Variants in GCNT1 observed in about 807,000 individuals in gnomAD.
GCNT1 encodes the protein glucosaminyl (N-acetyl) transferase 1, also known as beta-1,3-galactosyl-O-glycosyl-glycoprotein beta-1,6-N-acetylglucosaminyltransferase.
In GCNT1, 16 loss-of-function variants were observed where a neutral mutation model predicts 26.2. The observed-to-expected ratio is 0.61, with a 90% CI of 0.41 to 0.93. The LOEUF is 0.93. Ranked by LOEUF, GCNT1 falls within the 40% of genes least tolerant of loss-of-function variation. GCNT1 has a pLI of 0.00. For missense variants in GCNT1, 477 were observed against 526.7 expected (o/e 0.91, Z 0.92); for synonymous variants, 183 against 190.8 (o/e 0.96, Z 0.34).
At chr9:76,394,394 C>T in the GCNT1 span, 1 of 474,754 alleles carries the variant, frequency 2.1e-6, no homozygotes, top group Non-Finnish European at 3.7e-6. Context: ...GCTGCGTCTC[C>T]GCTGGAGGGC....
upstream of GCNT1, among the ~76,000 whole-genome samples, chr9:76,454,740 C>T (rs1288656204): frequency 1.3e-5 from 2 of 151,860 alleles, no homozygotes; most frequent in Non-Finnish European, 2.9e-5. Context: ...TCTCATCTGC[C>T]GCCGTGTAAG....
chr9:76,481,302 C>T (rs1384131777), intron 2 of GCNT1, among the ~76,000 whole-genome samples: 1 of 151,846 alleles, frequency 6.6e-6, no homozygotes, highest in Non-Finnish European at 1.5e-5. Context: ...TGTACCCCTT[C>T]TGCTTGATCA....
intron 2 of GCNT1, among the ~76,000 whole-genome samples, chr9:76,491,503 TTTG>T (rs1371852462): frequency 1.4e-5 from 2 of 142,034 alleles, no homozygotes; most frequent in African/African-American, 2.4e-5. Context: ...TGTATACAAA[TTTG>T]TTGTTTTTCC....
In GCNT1 at chr9:76,502,646, A is replaced by G. The variant is rs1159251591; in HGVS notation, c.265A>G (p.Thr89Ala). 1.2e-5 allele frequency: 20 copies of G among 1,613,952 alleles called. No homozygotes were observed. Among genetic ancestry groups the G allele is most frequent in the Non-Finnish European group, 1.6e-5 (19 of 1,180,002 alleles). ...GAAATTTAAAAAGCGCCCTCGGTGG[A>G]CACCTGACGACTATATAAACATGAC... ...TVKFKKRPRWTPDDYINMTSD... is the reference protein window; with the variant it reads ...TVKFKKRPRWAPDDYINMTSD... The change falls in exon 4 of 4, where the codon ACA becomes GCA. Residue 89 changes from threonine (T) to alanine (A), a missense_variant. Physicochemically the swap from Thr to Ala is moderately conservative, Grantham distance 58. Transcript: ENST00000376730.
chr9:76,462,695 A>G (rs978662509), intron 2 of GCNT1, among the ~76,000 whole-genome samples: 23 of 152,240 alleles, frequency 1.5e-4, no homozygotes, highest in Non-Finnish European at 2.9e-4. Flanking sequence ...GAAACTCTTC[A>G]GGACTAGAGA....
intron 2 of GCNT1, among the ~76,000 whole-genome samples, chr9:76,488,695 G>C (rs1824648444): frequency 6.6e-6 from 1 of 152,184 alleles, no homozygotes; most frequent in Admixed American, 6.5e-5. Flanking sequence ...ATGTTGGCCA[G>C]GCTGGTCCCA....
At chr9:76,435,590 T>C (rs529388570) in intron 1 of GCNT1, among the ~76,000 whole-genome samples, 1 of 152,344 alleles carries the variant, frequency 6.6e-6, no homozygotes, top group African/African-American at 2.4e-5. Context: ...ATCTTCTCAC[T>C]GTGTCTGTCC....
At chr9:76,413,198 G>A in the GCNT1 span, among the ~76,000 whole-genome samples, 1 of 152,164 alleles carries the variant, frequency 6.6e-6, no homozygotes, top group Non-Finnish European at 1.5e-5. Flanking sequence ...CTTCTTTCCT[G>A]GCCAGGGCTT....
At chr9:76,454,755 GC>G (rs1275729376), upstream of GCNT1, among the ~76,000 whole-genome samples, 2 of 151,316 alleles carry the variant, frequency 1.3e-5, no homozygotes, top group Non-Finnish European at 2.9e-5. Flanking sequence ...TGTAAGATGT[GC>G]CTCTTCCCCT....
the GCNT1 span, among the ~76,000 whole-genome samples, chr9:76,396,364 C>T: frequency 4.0e-5 from 6 of 151,540 alleles, no homozygotes; most frequent in Admixed American, 1.3e-4. Flanking sequence ...CCGAGGTGAG[C>T]GGATCTCTTG....
At chr9:76,478,921 A>G (rs2094974239) in intron 2 of GCNT1, among the ~76,000 whole-genome samples, 3 of 152,178 alleles carry the variant, frequency 2.0e-5, no homozygotes, top group Admixed American at 1.3e-4. Flanking sequence ...GGTTTGTTAC[A>G]TATGTATACA....
chr9:76,457,944 G>A (rs924605789), upstream of GCNT1, among the ~76,000 whole-genome samples: 1 of 151,836 alleles, frequency 6.6e-6, no homozygotes, highest in Non-Finnish European at 1.5e-5. Flanking sequence ...TTTGTTGGGG[G>A]AGGCAGAGGG....
At chr9:76,501,436 A>G (rs531209401) in intron 3 of GCNT1, among the ~76,000 whole-genome samples, 2 of 152,234 alleles carry the variant, frequency 1.3e-5, no homozygotes, top group Non-Finnish European at 2.9e-5. Context: ...TGTATACACT[A>G]TTGTTTTCTG....
chr9:76,463,309 G>C (rs922588880), intron 2 of GCNT1, among the ~76,000 whole-genome samples: 2 of 152,228 alleles, frequency 1.3e-5, no homozygotes, highest in Non-Finnish European at 2.9e-5. Context: ...GGTGACCACA[G>C]AGCATTAAGC....
At chr9:76,501,133 TTATTAC>T (rs1462319265) in intron 3 of GCNT1, 72 bp downstream of exon 3, 1 of 152,232 alleles carries the variant, frequency 6.6e-6, no homozygotes, top group Non-Finnish European at 1.5e-5. Context: ...TTTATTTGTA[TTATTAC>T]TATTCACAAC....
the GCNT1 span, among the ~76,000 whole-genome samples, chr9:76,396,757 G>A: frequency 2.3e-4 from 35 of 152,256 alleles, no homozygotes; most frequent in African/African-American, 7.5e-4. Flanking sequence ...CACAAGAGTC[G>A]CTCGAACCTG....
chr9:76,422,065 CAAG>C (rs1162959105), intron 1 of GCNT1, among the ~76,000 whole-genome samples: 1 of 151,958 alleles, frequency 6.6e-6, no homozygotes, highest in Non-Finnish European at 1.5e-5. Flanking sequence ...AGAATGAGTG[CAAG>C]AAGGGGAAAC....
Position 76,503,270 on chromosome 9 carries a change from G to C in GCNT1, c.889G>C (p.Gly297Arg). ...AYFVVSREYVGYVLQNEKIQK... is the reference protein window; with the variant it reads ...AYFVVSREYVRYVLQNEKIQK... ...CTTCGTGGTCAGTAGGGAGTATGTG[G>C]GGTATGTACTACAGAATGAAAAAAT... The change falls in exon 4 of 4, where the codon GGG becomes CGG. Residue 297 changes from glycine to arginine, a missense_variant. Physicochemically the swap from Gly to Arg is moderately radical, Grantham distance 125. Transcript: ENST00000376730. 2 of 1,614,060 alleles carry C rather than the reference G, an allele frequency of 1.2e-6. No individual in the cohort carries two copies. Among genetic ancestry groups the C allele is most frequent in the Non-Finnish European group, 1.7e-6 (2 of 1,180,008 alleles).
At chr9:76,467,184 A>C (rs570542682) in intron 2 of GCNT1, among the ~76,000 whole-genome samples, 157 of 152,292 alleles carry the variant, frequency 1.0e-3, no homozygotes, top group African/African-American at 3.5e-3. Context: ...CTGGGACTAC[A>C]GGCACCCGCC....
Sources: gnomAD v4.1 joint callset for allele counts (sites outside exome capture counted in the v4.1 genomes callset) on GRCh38, gnomAD v4.1.1 for gene constraint, MANE v1.5 for transcripts, NCBI Gene and HGNC (gene_info 2026-07-23, HGNC 2026-07-21) for gene names.